Variants in NCOA3 observed in about 807,000 individuals in gnomAD.
The protein encoded by NCOA3 is nuclear receptor coactivator 3, also known as CBP-interacting protein.
In NCOA3, 51 loss-of-function variants were observed where a neutral mutation model predicts 158.8. The observed-to-expected ratio is 0.32, with a 90% CI of 0.26 to 0.41. NCOA3 has a LOEUF of 0.41. Among genes scored for constraint, NCOA3 ranks in the 10% least tolerant of loss-of-function variants. The pLI, the probability that NCOA3 is intolerant of heterozygous loss-of-function variation, is 1.00. For synonymous variants in NCOA3, 537 were observed against 592.4 expected (o/e 0.91, Z 1.36); for missense variants, 1,510 against 1,746.6 (o/e 0.86, Z 2.41).
rs2086466933 is a variant in NCOA3, at chr20:47,634,088, C to T, written c.1005C>T (p.Phe335=). The T allele has an allele frequency of 6.2e-7, 1 of 1,614,108 alleles. No homozygotes were observed. The highest frequency in any genetic ancestry group is 1.3e-5 in the African/African-American group (1 of 75,024). Residue 335 remains phenylalanine, a synonymous_variant, in exon 10 of 23, where the codon TTC becomes TTT. Coordinates refer to ENST00000371998, the MANE Select transcript of NCOA3 (RefSeq NM_181659.3). ...ATGCAGAAACCCCAGTATATCGATT[C>T]TCGTTGGCTGATGGAACTATAGTGA... The part of the protein sequence containing the change: ...NGHAETPVYR[F]SLADGTIVTA...
chr20:47,520,293 C>T (rs2084308129), intron 1 of NCOA3, among the ~76,000 whole-genome samples: 1 of 152,038 alleles, frequency 6.6e-6, no homozygotes, highest in Non-Finnish European at 1.5e-5. Flanking sequence ...CTGACTCTGT[C>T]TCTCTCTTTC....
At chr20:47,638,093 C>T (rs2086545697) in intron 13 of NCOA3, among the ~76,000 whole-genome samples, 1 of 152,096 alleles carries the variant, frequency 6.6e-6, no homozygotes, top group Non-Finnish European at 1.5e-5. Flanking sequence ...TTTTTCTTAG[C>T]CACAGAGAAC....
chr20:47,533,754 A>G (rs943675160), intron 1 of NCOA3, among the ~76,000 whole-genome samples: 4 of 152,104 alleles, frequency 2.6e-5, no homozygotes, highest in Admixed American at 1.3e-4. Flanking sequence ...CATAGATCCT[A>G]TCTCTACAAA....
chr20:47,549,712 C>CT (rs2084899694), intron 1 of NCOA3, among the ~76,000 whole-genome samples: 1 of 151,846 alleles, frequency 6.6e-6, no homozygotes, highest in Admixed American at 6.6e-5. Flanking sequence ...TCTTTCTTCT[C>CT]TTTTTTGGGG....
At chr20:47,523,224 C>T (rs188731208) in intron 1 of NCOA3, among the ~76,000 whole-genome samples, 41 of 152,264 alleles carry the variant, frequency 2.7e-4, no homozygotes, top group Middle Eastern at 3.4e-3. Context: ...CCCAAGGACC[C>T]CTTTTCCTAT....
chr20:47,515,323 T>C (rs2084214702), intron 1 of NCOA3, among the ~76,000 whole-genome samples: 1 of 151,566 alleles, frequency 6.6e-6, no homozygotes, highest in Non-Finnish European at 1.5e-5. Flanking sequence ...CCACCATGCC[T>C]GGTTAATTTT....
At chr20:47,606,400 C>A (rs6018584) in intron 2 of NCOA3, among the ~76,000 whole-genome samples, 16,918 of 152,146 alleles carry the variant, frequency 0.11, 1,189 homozygotes, top group Middle Eastern at 0.18. Context: ...ATTGCTGACA[C>A]CTTACCATGA....
At chr20:47,529,537 C>T (rs1057063450) in intron 1 of NCOA3, among the ~76,000 whole-genome samples, 3 of 152,134 alleles carry the variant, frequency 2.0e-5, no homozygotes, top group East Asian at 3.9e-4. Context: ...CTCAGCCTCC[C>T]GAGTAGCTGG....
chr20:47,636,264 C>T lies in NCOA3; in HGVS notation c.1878C>T (p.Thr626=), dbSNP rs144957405. 4 of 1,614,116 alleles carry T rather than the reference C, an allele frequency of 2.5e-6. No homozygotes were observed. The East Asian group carries it at 8.9e-5, about 36-fold the overall frequency. ...ATAAAAAATTACTGCAGTTACTTACCTGTTCTTCTGATGACCGGGGTCATT... is the reference window on the plus strand; with the variant it reads ...ATAAAAAATTACTGCAGTTACTTACTTGTTCTTCTGATGACCGGGGTCATT... ...KGHKKLLQLL[T]CSSDDRGHSS... is the part of the protein sequence containing the mutation. The change falls in exon 12 of 23, where the codon ACC becomes ACT. Residue 626 remains threonine, a synonymous_variant. Transcript: ENST00000371998.
intron 1 of NCOA3, among the ~76,000 whole-genome samples, chr20:47,512,535 T>C (rs2146057865): frequency 1.4e-5 from 2 of 143,438 alleles, no homozygotes; most frequent in Middle Eastern, 7.9e-3. Flanking sequence ...GCCACTGCAC[T>C]CGAACGTGGC....
chr20:47,634,124 A>G lies in NCOA3; in HGVS notation c.1041A>G (p.Thr347=). 6.2e-7 allele frequency: 1 copy of G among 1,614,208 alleles called. No homozygotes were observed. Among genetic ancestry groups the G allele is most frequent in the Non-Finnish European group, 8.5e-7 (1 of 1,180,028 alleles). ...LADGTIVTAQ[T]KSKLFRNPVT... ...ATGGAACTATAGTGACTGCACAGAC[A>G]AAAAGCAAACTCTTCCGAAATCCTG... is the stretch of plus-strand genomic sequence containing the variant. The change falls in exon 10 of 23, where the codon ACA becomes ACG. Residue 347 remains threonine (T), a synonymous_variant. Coordinates refer to ENST00000371998, the MANE Select transcript of NCOA3 (RefSeq NM_181659.3).
chr20:47,632,115 T>G (rs2086427933), intron 8 of NCOA3, among the ~76,000 whole-genome samples: 1 of 152,226 alleles, frequency 6.6e-6, no homozygotes, highest in South Asian at 2.1e-4. Context: ...TCTGACTGAC[T>G]GGCTATAAAT....
At chr20:47,545,288 T>G (rs2084810536) in intron 1 of NCOA3, among the ~76,000 whole-genome samples, 1 of 151,712 alleles carries the variant, frequency 6.6e-6, no homozygotes, top group African/African-American at 2.4e-5. Context: ...GGGATTCTCC[T>G]GCCTCAGCCT....
chr20:47,581,325 C>T (rs1413801930), intron 1 of NCOA3, among the ~76,000 whole-genome samples: 1 of 152,118 alleles, frequency 6.6e-6, no homozygotes, highest in Non-Finnish European at 1.5e-5. Context: ...GGGATAGTCA[C>T]CCGGCACTAC....
At chr20:47,652,877 C>A (rs1469363050) in intron 21 of NCOA3, 54 bp from the exon 22 acceptor site, 1 of 1,589,512 alleles carries the variant, frequency 6.3e-7, no homozygotes, top group Non-Finnish European at 8.6e-7. Context: ...GTGGGCATGC[C>A]CTTTGTCGCT....
At chr20:47,521,492 C>G (rs2084333224) in intron 1 of NCOA3, among the ~76,000 whole-genome samples, 2 of 152,178 alleles carry the variant, frequency 1.3e-5, no homozygotes, top group South Asian at 2.1e-4. Context: ...TGTCGTTCCC[C>G]TATTGGCTAG....
At chr20:47,632,761 C>T (rs1452292660) in intron 8 of NCOA3, among the ~76,000 whole-genome samples, 1 of 150,870 alleles carries the variant, frequency 6.6e-6, no homozygotes, top group Non-Finnish European at 1.5e-5. Flanking sequence ...CGGCTCACTG[C>T]AACCTCCGCC....
chr20:47,625,378 C>T lies in NCOA3; in HGVS notation c.257-3C>T, dbSNP rs767381810. On this transcript the variant is annotated splice_polypyrimidine_tract_variant and splice_region_variant and intron_variant, in intron 4 of 22. Transcript: ENST00000371998. ...TTCGTTATACCACCTTCTGTCTTTT[C>T]AGGAAAAACTATTTCCAATGATGAT... 2.5e-6 allele frequency: 4 copies of T among 1,601,270 alleles called. No homozygotes were observed. In the Admixed American group the frequency reaches 5.0e-5, roughly 20 times the overall value.
chr20:47,595,759 C>G (rs1377636163), intron 2 of NCOA3, among the ~76,000 whole-genome samples: 4 of 151,860 alleles, frequency 2.6e-5, no homozygotes, highest in African/African-American at 9.7e-5. Flanking sequence ...CTAGCTCCAC[C>G]ACTTACTGGA....
Sources: allele counts gnomAD v4.1 joint callset (sites outside exome capture counted in the v4.1 genomes callset), GRCh38; gene constraint gnomAD v4.1.1; transcripts MANE v1.5; gene names NCBI Gene and HGNC (gene_info 2026-07-23, HGNC 2026-07-21).